The following MOCS1 variants were observed in gnomAD, a reference collection of about 807,000 sequenced individuals.
MOCS1 encodes the protein molybdenum cofactor synthesis 1.
In MOCS1, 39 loss-of-function variants were observed where a neutral mutation model predicts 57.6. The observed-to-expected ratio is 0.68, with a 90% CI of 0.52 to 0.88. The LOEUF (loss-of-function observed/expected upper bound fraction) is 0.88. Ranked by LOEUF, MOCS1 falls within the 40% of genes least tolerant of loss-of-function variation. MOCS1 has a pLI of 0.00. For missense variants in MOCS1, 795 were observed against 831.1 expected (o/e 0.96, Z 0.53); for synonymous variants, 334 against 335.7 (o/e 1.00, Z 0.05).
chr6:39,906,915 G>A lies in MOCS1; in HGVS notation c.1353C>T (p.Ser451=), dbSNP rs1582799939. The A allele has an allele frequency of 6.2e-7, 1 of 1,614,184 alleles. No individual in the cohort carries two copies. Among genetic ancestry groups the A allele is most frequent in the Non-Finnish European group, 8.5e-7 (1 of 1,180,032 alleles). The change falls in exon 11 of 11, where the codon TCC becomes TCT. Residue 451 remains serine (S), a synonymous_variant. Transcript: ENST00000340692. ...GSGSFQRHYT[S]RADSDANSKC... ...TTGAGTTGGCATCTGAGTCTGCACG[G>A]GAAGTGTAGTGTCTCTGAAAGGAGC...
rs1768809906 is a variant in MOCS1 at position 39,934,433 on chromosome 6, C to G, written c.-16G>C. On this transcript the variant is annotated 5_prime_UTR_variant, in exon 1 of 11. Transcript: ENST00000340692. ...GCGCCGCCATGAAGCCTGATACGAG[C>G]GGAACCGCAGCCCGCTTCGGGAGCA... The G allele has an allele frequency of 4.5e-6, 7 of 1,563,848 alleles. No individual in the cohort carries two copies. The highest frequency in any genetic ancestry group is 6.0e-6 in the Non-Finnish European group (7 of 1,161,106).
In MOCS1 at chr6:39,916,151, A is replaced by G; in HGVS notation, c.500T>C (p.Leu167Pro). 1 of 1,614,050 alleles carries G rather than the reference A, an allele frequency of 6.2e-7. No homozygotes were observed. Among genetic ancestry groups the G allele is most frequent in the Non-Finnish European group, 8.5e-7 (1 of 1,180,020 alleles). Residue 167 changes from leucine (L) to proline (P), a missense_variant, in exon 4 of 11, where the codon CTT becomes CCT. Transcript: ENST00000340692. ...GINLARLLPQ[L>P]QKAGLSAINI... ...GATGGCACTGAGACCAGCCTTCTGAAGCTGGGGCAGTAGCCGGGCCAGGTT... is the reference window on the plus strand; with the variant it reads ...GATGGCACTGAGACCAGCCTTCTGAGGCTGGGGCAGTAGCCGGGCCAGGTT...
chr6:39,913,700 C>T, intron 5 of MOCS1, 74 bp downstream of exon 5: 2 of 1,529,510 alleles, frequency 1.3e-6, no homozygotes, highest in Non-Finnish European at 1.8e-6. Context: ...CTCAAGTGGG[C>T]CAAGGGGCGG....
In MOCS1 at chr6:39,913,340, A is replaced by C. The variant is rs200415658; in HGVS notation, c.734T>G (p.Phe245Cys). ...LTEGLPLDVRFIEYMPFDGNK... is the reference protein window; with the variant it reads ...LTEGLPLDVRCIEYMPFDGNK... ...ACCATCAAAGGGCATATACTCTATGAAGCGCACATCCAGGGGGAGGCCCTC... is the reference window on the plus strand; with the variant it reads ...ACCATCAAAGGGCATATACTCTATGCAGCGCACATCCAGGGGGAGGCCCTC... Residue 245 changes from phenylalanine (F) to cysteine (C), a missense_variant, in exon 6 of 11, where the codon TTC becomes TGC. By Grantham distance (205) the Phe-to-Cys change is radical. This residue lies in a region of MOCS1 where 416 missense variants were observed against 392.4 expected (regional missense o/e 1.06). Coordinates refer to ENST00000340692, the MANE Select transcript of MOCS1 (RefSeq NM_001358530.2). 60 of 1,614,170 alleles carry C rather than the reference A, an allele frequency of 3.7e-5. No individual in the cohort carries two copies. In the East Asian group the frequency reaches 1.3e-3, roughly 36 times the overall value.
rs138896607 is a variant in MOCS1, at chr6:39,927,551, C to A, written c.124-96G>T. The A allele has an allele frequency of 1.8e-4, 298 of 1,610,838 alleles. No individual in the cohort carries two copies. Among genetic ancestry groups the A allele is most frequent in the Non-Finnish European group, 2.5e-4 (290 of 1,179,418 alleles). On this transcript the variant is annotated intron_variant, in intron 1 of 10. Transcript: ENST00000340692. Reference sequence around the variant, plus strand: ...CCTGCCCCCTCCCTTACTCTGACATCTGTGCGGAGCTTCCAACTCTTCCAC... The same window carrying A: ...CCTGCCCCCTCCCTTACTCTGACATATGTGCGGAGCTTCCAACTCTTCCAC...
intron 5 of MOCS1, 169 bp from the exon 6 acceptor site, chr6:39,913,597 G>T: frequency 1.0e-6 from 1 of 975,702 alleles, no homozygotes; most frequent in Non-Finnish European, 1.6e-6. Flanking sequence ...TGATTTTCTC[G>T]TTTCTCTCAA....
intron 1 of MOCS1, among the ~76,000 whole-genome samples, chr6:39,931,678 G>A (rs1768650737): frequency 6.6e-6 from 1 of 151,966 alleles, no homozygotes; most frequent in Non-Finnish European, 1.5e-5. Flanking sequence ...TCCCTCACCA[G>A]TGCCTGCTGT....
chr6:39,912,446 G>T, intron 7 of MOCS1, 72 bp from the exon 8 acceptor site: 1 of 1,091,012 alleles, frequency 9.2e-7, no homozygotes, highest in South Asian at 1.3e-5. Flanking sequence ...CTCACTCCAT[G>T]ACATCAGAAC....
Position 39,912,287 on chromosome 6 carries a change from T to C in MOCS1, c.958A>G (p.Ile320Val). 6.2e-7 allele frequency: 1 copy of C among 1,613,054 alleles called. No homozygotes were observed. The highest frequency in any genetic ancestry group is 8.5e-7 in the Non-Finnish European group (1 of 1,179,892). The change falls in exon 8 of 11, where the codon ATC becomes GTC. Residue 320 changes from isoleucine to valine, a missense_variant. Transcript: ENST00000340692. The stretch of plus-strand genomic sequence containing the variant: ...ACCTTGAGGTTCCCATCAGCTGTGA[T>C]TCGCAGGCGGTTGCAGGTCCCACAG... ...HFCGTCNRLR[I>V]TADGNLKVCL...
In MOCS1 at chr6:39,906,291, T is replaced by A. The variant is rs574215746; in HGVS notation, c.*66A>T. On this transcript the variant is annotated 3_prime_UTR_variant, in exon 11 of 11. Coordinates refer to ENST00000340692, the MANE Select transcript of MOCS1 (RefSeq NM_001358530.2). ...ACTGTGATTAAAGGAACCTGACGTC[T>A]TTCCCTCAGCCTACATTGCATCCCA... 1 of 1,591,160 alleles carries A rather than the reference T, an allele frequency of 6.3e-7. No homozygotes were observed. The highest frequency in any genetic ancestry group is 8.6e-7 in the Non-Finnish European group (1 of 1,162,042).
At chr6:39,909,387 T>G (rs1364569026) in intron 9 of MOCS1, among the ~76,000 whole-genome samples, 1 of 151,380 alleles carries the variant, frequency 6.6e-6, no homozygotes. Context: ...GAGAGTTCAC[T>G]GAAACAAACG....
At chr6:39,907,147 A>G (rs41273344) in intron 10 of MOCS1, 30 bp from the exon 11 acceptor site, 7 of 1,587,932 alleles carry the variant, frequency 4.4e-6, no homozygotes, top group Middle Eastern at 1.7e-4. Context: ...GAGAAGAAAC[A>G]CTAAGTCCAA....
At chr6:39,934,160 C>T (rs2149429145) in intron 1 of MOCS1, 135 bp downstream of exon 1, 1 of 1,226,756 alleles carries the variant, frequency 8.2e-7, no homozygotes, top group East Asian at 2.7e-5. Flanking sequence ...GAGAACATCG[C>T]TCCACTGAGG....
chr6:39,934,457 C>T lies in MOCS1; in HGVS notation c.-40G>A, dbSNP rs747078819. 1.9e-6 allele frequency: 3 copies of T among 1,554,212 alleles called. No homozygotes were observed. In the South Asian group the frequency reaches 3.5e-5, roughly 18 times the overall value. On this transcript the variant is annotated 5_prime_UTR_variant, in exon 1 of 11. Coordinates refer to ENST00000340692, the MANE Select transcript of MOCS1 (RefSeq NM_001358530.2). ...GCGGAACCGCAGCCCGCTTCGGGAG[C>T]ACACTGGCCGGGCACTCGCCCCCGG...
Position 39,904,189 on chromosome 6 carries a change from T to C in MOCS1, c.*2168A>G. ...AAGCTGTTCAAGATACATTTGATCT[T>C]CAGAAAAGCAGAATTTGGTTCAACT... On this transcript the variant is annotated 3_prime_UTR_variant, in exon 11 of 11. Transcript: ENST00000340692. 1 of 456,690 alleles carries C rather than the reference T, an allele frequency of 2.2e-6. No individual in the cohort carries two copies. Among genetic ancestry groups the C allele is most frequent in the South Asian group, 1.5e-5 (1 of 64,538 alleles). The allele number at this position is 456,690 out of a possible 1,614,324, so 28.3% of individuals were successfully genotyped here.
intron 3 of MOCS1, among the ~76,000 whole-genome samples, chr6:39,920,652 C>T (rs1036604098): frequency 5.9e-5 from 9 of 152,136 alleles, no homozygotes; most frequent in Non-Finnish European, 1.3e-4. Context: ...ATGACACTTA[C>T]AAACTTCAAA....
intron 4 of MOCS1, among the ~76,000 whole-genome samples, chr6:39,914,891 G>A (rs903059896): frequency 2.6e-5 from 4 of 152,124 alleles, no homozygotes; most frequent in Non-Finnish European, 5.9e-5. Context: ...AAGGGAGAAC[G>A]TGTTTGCGGG....
intron 3 of MOCS1, among the ~76,000 whole-genome samples, chr6:39,923,530 G>A (rs1483394029): frequency 1.3e-5 from 2 of 152,276 alleles, no homozygotes; most frequent in Non-Finnish European, 2.9e-5. Context: ...GGCACAAGGC[G>A]GCCCATGCCC....
intron 1 of MOCS1, among the ~76,000 whole-genome samples, chr6:39,933,819 C>G (rs550121488): frequency 6.6e-6 from 1 of 152,168 alleles, no homozygotes; most frequent in Non-Finnish European, 1.5e-5. Context: ...GTTACAGAGC[C>G]CTGGGACTAC....
Sources: gnomAD v4.1 joint callset for allele counts (sites outside exome capture counted in the v4.1 genomes callset) on GRCh38, gnomAD v4.1.1 for gene constraint, gnomAD v4.1.1 regional missense constraint, MANE v1.5 for transcripts, NCBI Gene and HGNC (gene_info 2026-07-23, HGNC 2026-07-21) for gene names.